Variants in CNBD1 observed in about 807,000 individuals in gnomAD.
CNBD1 encodes the protein cyclic nucleotide binding domain containing 1.
In CNBD1, 71 loss-of-function variants were observed where a neutral mutation model predicts 54.4. The ratio of observed to expected loss-of-function variants is 1.30; its 90% CI spans 1.08 to 1.59. CNBD1 has a LOEUF of 1.59. Ranked by LOEUF, CNBD1 falls within the 40% of genes most tolerant of loss-of-function variation. CNBD1 has a pLI of 0.00. For synonymous variants in CNBD1, 182 were observed against 170.7 expected (o/e 1.07, Z -0.51); for missense variants, 659 against 518.0 (o/e 1.27, Z -2.64).
At chr8:87,186,226 A>G (rs1223738895) in intron 4 of CNBD1, among the ~76,000 whole-genome samples, 2 of 152,102 alleles carry the variant, frequency 1.3e-5, no homozygotes, top group African/African-American at 4.8e-5. Flanking sequence ...TACTTGGCGT[A>G]TCTCATTTTC....
At chr8:86,913,687 A>C (rs1044593611) in intron 3 of CNBD1, among the ~76,000 whole-genome samples, 3 of 152,172 alleles carry the variant, frequency 2.0e-5, no homozygotes, top group African/African-American at 7.2e-5. Context: ...AGAAGGTCAG[A>C]GCGAAACTAG....
chr8:87,028,133 GC>G (rs1363637221), intron 4 of CNBD1, among the ~76,000 whole-genome samples: 1 of 152,116 alleles, frequency 6.6e-6, no homozygotes, highest in Non-Finnish European at 1.5e-5. Flanking sequence ...AGTCAGTTAG[GC>G]TTGTTCAACT....
chr8:87,013,516 T>C (rs1809267213), intron 4 of CNBD1, among the ~76,000 whole-genome samples: 1 of 151,994 alleles, frequency 6.6e-6, no homozygotes, highest in South Asian at 2.1e-4. Context: ...TCTTTCTCTA[T>C]TTTCTTTTCT....
chr8:87,073,248 G>A (rs1307003186), intron 4 of CNBD1, among the ~76,000 whole-genome samples: 1 of 151,842 alleles, frequency 6.6e-6, no homozygotes, highest in Non-Finnish European at 1.5e-5. Context: ...GTTACAACAT[G>A]CCACTTTAGC....
At chr8:87,130,035 A>C (rs867569883) in intron 4 of CNBD1, among the ~76,000 whole-genome samples, 1 of 152,092 alleles carries the variant, frequency 6.6e-6, no homozygotes, top group South Asian at 2.1e-4. Context: ...TAATCATCAG[A>C]TCTCATGAGA....
At chr8:87,247,913 G>A (rs56312148) in intron 6 of CNBD1, among the ~76,000 whole-genome samples, 1 of 152,126 alleles carries the variant, frequency 6.6e-6, no homozygotes, top group South Asian at 2.1e-4. Flanking sequence ...GGGTGACACG[G>A]TGCATGGACT....
At chr8:87,154,842 C>T (rs1181337040) in intron 4 of CNBD1, among the ~76,000 whole-genome samples, 4 of 152,190 alleles carry the variant, frequency 2.6e-5, no homozygotes, top group East Asian at 1.9e-4. Context: ...GTAGAACGCA[C>T]CCATTTCCTT....
chr8:87,030,586 T>C (rs1441513195), intron 4 of CNBD1, among the ~76,000 whole-genome samples: 1 of 152,310 alleles, frequency 6.6e-6, no homozygotes, highest in South Asian at 2.1e-4. Flanking sequence ...ACTTTATATC[T>C]TCTAAAATTT....
At chr8:87,013,079 A>C (rs2130563710) in intron 4 of CNBD1, among the ~76,000 whole-genome samples, 1 of 152,322 alleles carries the variant, frequency 6.6e-6, no homozygotes, top group South Asian at 2.1e-4. Context: ...GAGAAGACTC[A>C]AGACCCCAAA....
At chr8:87,377,759 A>G (rs1171294531) in intron 10 of CNBD1, among the ~76,000 whole-genome samples, 7 of 143,550 alleles carry the variant, frequency 4.9e-5, no homozygotes, top group Non-Finnish European at 1.1e-4. Flanking sequence ...ACTAGTTTAC[A>G]GTCCCACCAA....
intron 8 of CNBD1, among the ~76,000 whole-genome samples, chr8:87,345,684 A>C (rs931604404): frequency 6.6e-5 from 10 of 152,202 alleles, no homozygotes; most frequent in Non-Finnish European, 1.5e-4. Flanking sequence ...CTAAGCAAGA[A>C]AATTAATGAA....
At chr8:86,993,621 A>G (rs959696949) in intron 4 of CNBD1, among the ~76,000 whole-genome samples, 19 of 152,154 alleles carry the variant, frequency 1.2e-4, no homozygotes, top group African/African-American at 4.3e-4. Context: ...AGTAGACTCA[A>G]TTGCTTCATT....
chr8:87,294,470 C>G (rs1196074059), intron 8 of CNBD1, among the ~76,000 whole-genome samples: 1 of 152,118 alleles, frequency 6.6e-6, no homozygotes, highest in Non-Finnish European at 1.5e-5. Flanking sequence ...TCTCACCCAC[C>G]ACCTGCAGCA....
chr8:87,286,429 C>T (rs943966237), intron 7 of CNBD1, 110 bp from the exon 8 acceptor site: 16 of 649,614 alleles, frequency 2.5e-5, no homozygotes, highest in Admixed American at 8.5e-5. Context: ...TCTATACTAA[C>T]TTATATTCAT....
intron 2 of CNBD1, among the ~76,000 whole-genome samples, chr8:86,902,021 A>G (rs1299766248): frequency 1.3e-5 from 2 of 152,180 alleles, no homozygotes. Context: ...TCTACTTTAT[A>G]TAAGCGTAGG....
chr8:87,067,117 G>A (rs894805011), intron 4 of CNBD1, among the ~76,000 whole-genome samples: 2 of 152,016 alleles, frequency 1.3e-5, no homozygotes, highest in Middle Eastern at 3.4e-3. Flanking sequence ...TAGAAGCATC[G>A]CCTCTTCCAT....
intron 5 of CNBD1, among the ~76,000 whole-genome samples, chr8:87,212,872 A>G (rs1814130817): frequency 6.6e-6 from 1 of 152,190 alleles, no homozygotes; most frequent in South Asian, 2.1e-4. Flanking sequence ...TAAAAATTAA[A>G]ATATTTTGAG....
At chr8:87,343,568 A>G (rs1810111907) in intron 8 of CNBD1, among the ~76,000 whole-genome samples, 1 of 152,212 alleles carries the variant, frequency 6.6e-6, no homozygotes, top group South Asian at 2.1e-4. Flanking sequence ...ACTCTTGTCA[A>G]CATCTCCTGT....
chr8:86,938,279 G>C (rs112445584), intron 3 of CNBD1, among the ~76,000 whole-genome samples: 11,526 of 152,188 alleles, frequency 0.076, 541 homozygotes, highest in African/African-American at 0.14. Flanking sequence ...CATTTGACAA[G>C]TCTCTAGGAA....
Sources: allele counts gnomAD v4.1 joint callset (sites outside exome capture counted in the v4.1 genomes callset), GRCh38; gene constraint gnomAD v4.1.1; transcripts MANE v1.5; gene names NCBI Gene and HGNC (gene_info 2026-07-23, HGNC 2026-07-21).